GLYATL2: variants seen among roughly 807,000 people sequenced by gnomAD.
GLYATL2 encodes the protein glycine-N-acyltransferase like 2, also known as glycine N-acyltransferase-like protein 2.
In GLYATL2, 25 loss-of-function variants were observed where a neutral mutation model predicts 21.4. That is an observed-to-expected ratio of 1.17 (90% CI 0.85 to 1.63). The LOEUF (loss-of-function observed/expected upper bound fraction) is 1.63, where lower values mean the gene tolerates loss of function less well. Ranked by LOEUF, GLYATL2 falls within the 40% of genes most tolerant of loss-of-function variation. The probability of loss-of-function intolerance (pLI) is 0.00; values close to 1 mark genes in which losing one functional copy is unlikely to be tolerated. For missense variants in GLYATL2, 361 were observed against 343.3 expected, an observed-to-expected ratio of 1.05 and a Z score of -0.41; for synonymous variants, 114 against 118.2, an observed-to-expected ratio of 0.96 and a Z score of 0.23.
At chr11:58,886,026 G>A (rs1384483583) in intron 1 of GLYATL2, among the ~76,000 whole-genome samples, 2 of 152,146 alleles carry the variant, frequency 1.3e-5, no homozygotes, top group African/African-American at 4.8e-5. Context: ...ACCAGCCTGT[G>A]CAACATAGTG....
At chr11:58,899,031 A>G (rs950098038) in intron 1 of GLYATL2, among the ~76,000 whole-genome samples, 5 of 152,140 alleles carry the variant, frequency 3.3e-5, no homozygotes. Context: ...ACATTTTAGG[A>G]TGACCAAATT....
chr11:58,837,678 T>A (rs187726674), intron 3 of GLYATL2, among the ~76,000 whole-genome samples: 1 of 152,266 alleles, frequency 6.6e-6, no homozygotes, highest in Non-Finnish European at 1.5e-5. Context: ...ATGTTAAGCA[T>A]TTAAAAGTGA....
At chr11:58,907,470 C>T (rs1016167170), upstream of GLYATL2, 1 of 300,222 alleles carries the variant, frequency 3.3e-6, no homozygotes, top group South Asian at 1.8e-5. Flanking sequence ...ATGTATTTCG[C>T]TCTTTTTTGT....
chr11:58,875,823 C>T (rs1302742474), intron 1 of GLYATL2, among the ~76,000 whole-genome samples: 1 of 152,178 alleles, frequency 6.6e-6, no homozygotes, highest in Non-Finnish European at 1.5e-5. Flanking sequence ...TTTCCTGAAT[C>T]TGAATGTTGG....
chr11:58,843,336 T>A (rs1188218988), intron 1 of GLYATL2, among the ~76,000 whole-genome samples: 1 of 152,186 alleles, frequency 6.6e-6, no homozygotes, highest in Non-Finnish European at 1.5e-5. Context: ...CAGTTAGGGT[T>A]TAAATGGCTT....
the GLYATL2 span, among the ~76,000 whole-genome samples, chr11:58,909,454 A>C: frequency 1.3e-5 from 2 of 152,202 alleles, no homozygotes; most frequent in Non-Finnish European, 2.9e-5. Context: ...AGATAGGTTG[A>C]TGTCATAGAT....
At chr11:58,857,669 T>C (rs1329777753) in intron 1 of GLYATL2, among the ~76,000 whole-genome samples, 1 of 151,704 alleles carries the variant, frequency 6.6e-6, no homozygotes, top group East Asian at 1.9e-4. Context: ...GCCATTTTGC[T>C]CTTTCATCAT....
At chr11:58,881,691 A>G (rs1488308701) in intron 1 of GLYATL2, among the ~76,000 whole-genome samples, 1 of 152,046 alleles carries the variant, frequency 6.6e-6, no homozygotes. Context: ...GCACCCATTA[A>G]CTCATCATTT....
At chr11:58,863,496 G>A (rs546038961) in intron 1 of GLYATL2, among the ~76,000 whole-genome samples, 1 of 152,314 alleles carries the variant, frequency 6.6e-6, no homozygotes, top group South Asian at 2.1e-4. Flanking sequence ...ACTGAACTCA[G>A]CCTGTATGCT....
chr11:58,857,194 T>A (rs1052990516), intron 1 of GLYATL2, among the ~76,000 whole-genome samples: 1 of 152,256 alleles, frequency 6.6e-6, no homozygotes, highest in African/African-American at 2.4e-5. Context: ...ATCTTTCATC[T>A]TCTTGATAAT....
intron 1 of GLYATL2, among the ~76,000 whole-genome samples, chr11:58,866,803 T>C (rs1854030492): frequency 6.7e-6 from 1 of 149,002 alleles, no homozygotes; most frequent in Non-Finnish European, 1.5e-5. Flanking sequence ...TATTATAAGT[T>C]AGATTGGGAT....
chr11:58,843,160 A>C (rs1187083226), intron 1 of GLYATL2, among the ~76,000 whole-genome samples: 1 of 152,204 alleles, frequency 6.6e-6, no homozygotes, highest in Non-Finnish European at 1.5e-5. Context: ...ATGGGAGTAC[A>C]CAGGGTTAGA....
intron 1 of GLYATL2, among the ~76,000 whole-genome samples, chr11:58,887,022 A>C (rs1445452556): frequency 6.6e-6 from 1 of 152,226 alleles, no homozygotes; most frequent in Non-Finnish European, 1.5e-5. Context: ...TAGTTTATTT[A>C]ATCCATGGTC....
chr11:58,837,121 G>A lies in GLYATL2; in HGVS notation c.370C>T (p.Gln124Ter). The change falls in exon 5 of 6, where the codon CAG (glutamine) becomes TAG (stop). Residue 124 changes from glutamine (Q) to a stop codon, truncating the protein, a stop_gained. Coordinates refer to ENST00000287275, the MANE Select transcript of GLYATL2 (RefSeq NM_145016.4). LOFTEE classifies it high-confidence loss of function. The part of the protein sequence containing the change: ...IRKVATSKSV[Q>*]VDYMKTILFI... ...AGGATGGTTTTCATGTAATCTACCTGCACTGATTTTGAAGTTGCAACCTTT... is the reference window on the plus strand; with the variant it reads ...AGGATGGTTTTCATGTAATCTACCTACACTGATTTTGAAGTTGCAACCTTT... 1 of 1,613,872 alleles carries A rather than the reference G, an allele frequency of 6.2e-7. No individual in the cohort carries two copies. The highest frequency in any genetic ancestry group is 8.5e-7 in the Non-Finnish European group (1 of 1,179,836).
intron 1 of GLYATL2, among the ~76,000 whole-genome samples, chr11:58,899,578 T>G (rs1193861002): frequency 1.3e-5 from 2 of 151,694 alleles, no homozygotes; most frequent in Admixed American, 6.6e-5. Context: ...CAGGAAGGGG[T>G]TAGGACGGGC....
chr11:58,841,165 G>T (rs1021710558), intron 1 of GLYATL2, among the ~76,000 whole-genome samples: 3 of 152,122 alleles, frequency 2.0e-5, no homozygotes, highest in Admixed American at 6.6e-5. Context: ...TTGCAAGGAA[G>T]CCATTAATAT....
rs1854204567 is a variant in GLYATL2 at position 58,875,176 on chromosome 11, T to G, written n.60+28980A>C. On this transcript the variant is annotated intron_variant and non_coding_transcript_variant, in intron 1 of 4. Transcript: ENST00000533636. Reference sequence around the variant, plus strand: ...CCTCCATCCCTTTATTTTGGGCCTATGTGTGTCTCTGCACGTGAGATGGGT... The same window carrying G: ...CCTCCATCCCTTTATTTTGGGCCTAGGTGTGTCTCTGCACGTGAGATGGGT... Among the ~76,000 whole-genome samples, 3 of 152,320 alleles carry G rather than the reference T, an allele frequency of 2.0e-5. No individual in the cohort carries two copies. In the South Asian group the frequency reaches 6.2e-4, roughly 32 times the overall value.
chr11:58,881,851 C>G (rs1200832890), intron 1 of GLYATL2, among the ~76,000 whole-genome samples: 2 of 152,078 alleles, frequency 1.3e-5, no homozygotes, highest in Admixed American at 6.5e-5. Flanking sequence ...GGTTTTCTGT[C>G]CTTGTGATAG....
chr11:58,837,991 G>A (rs938047609), intron 3 of GLYATL2, among the ~76,000 whole-genome samples: 7 of 152,122 alleles, frequency 4.6e-5, no homozygotes, highest in South Asian at 2.1e-4. Flanking sequence ...GTCTAGGTTG[G>A]GATGTATTCC....
Sources: allele counts gnomAD v4.1 joint callset (sites outside exome capture counted in the v4.1 genomes callset), GRCh38; gene constraint gnomAD v4.1.1; transcripts MANE v1.5; gene names NCBI Gene and HGNC (gene_info 2026-07-23, HGNC 2026-07-21).